Variants in PPFIBP1 observed in about 807,000 individuals in gnomAD.
PPFIBP1 encodes the protein PPFIB scaffold protein 1, also known as liprin-beta-1.
A neutral mutation model predicts 137.8 loss-of-function variants in PPFIBP1; 112 were observed. The ratio of observed to expected loss-of-function variants is 0.81; its 90% CI spans 0.70 to 0.95. PPFIBP1 has a LOEUF of 0.95. Among genes scored for constraint, PPFIBP1 ranks in the 40% least tolerant of loss-of-function variants. The probability of loss-of-function intolerance (pLI) is 0.00; values close to 1 mark genes in which losing one functional copy is unlikely to be tolerated. For synonymous variants in PPFIBP1, 378 were observed against 417.3 expected (o/e 0.91, Z 1.15); for missense variants, 1,083 against 1,196.6 (o/e 0.91, Z 1.40).
At chr12:27,659,100 GATGTAAGA>G (rs1270144314) in intron 10 of PPFIBP1, among the ~76,000 whole-genome samples, 2 of 152,190 alleles carry the variant, frequency 1.3e-5, no homozygotes, top group Non-Finnish European at 2.9e-5. Context: ...CAGCATTGTG[GATGTAAGA>G]AAACATTTTC....
rs140390114 is a variant in PPFIBP1 at position 27,622,645 on chromosome 12, A to G, written c.-35-10717A>G. On this transcript the variant is annotated intron_variant, in intron 2 of 29. Coordinates refer to ENST00000228425, the MANE Select transcript of PPFIBP1 (RefSeq NM_003622.4). ...CCTGTGCAGACACACACACGCACAT[A>G]CTCTGAAACCACTGGAATGTCAGCC... Among the ~76,000 whole-genome samples the G allele has an allele frequency of 9.0e-3, 1,370 of 152,310 alleles. 18 individuals are homozygous for G. Among genetic ancestry groups the G allele is most frequent in the African/African-American group, 0.031 (1,298 of 41,566 alleles).
intron 10 of PPFIBP1, 126 bp downstream of exon 10, chr12:27,658,974 C>A: frequency 1.1e-6 from 1 of 876,134 alleles, no homozygotes; most frequent in South Asian, 1.6e-5. Context: ...AATAAGCCCT[C>A]CATTTCTTCA....
intron 8 of PPFIBP1, chr12:27,655,354 T>C: frequency 1.4e-6 from 1 of 702,194 alleles, no homozygotes. Context: ...CACCTGTTGA[T>C]TACAAATCAC....
intron 2 of PPFIBP1, among the ~76,000 whole-genome samples, chr12:27,579,103 A>G (rs6487615): frequency 1 from 152,249 of 152,284 alleles, 76,107 homozygotes; most frequent in Middle Eastern, 1. Context: ...TCACAGAAAG[A>G]AAGGAAGTTA....
At chr12:27,566,474 A>C (rs1423593979) in intron 1 of PPFIBP1, among the ~76,000 whole-genome samples, 2 of 152,248 alleles carry the variant, frequency 1.3e-5, no homozygotes, top group Non-Finnish European at 2.9e-5. Flanking sequence ...ACTCAAGTGA[A>C]TCAAAAGCCT....
chr12:27,547,488 T>C (rs1946343152), intron 1 of PPFIBP1: 1 of 152,252 alleles, frequency 6.6e-6, no homozygotes, highest in South Asian at 2.1e-4. Context: ...AATAATGCTC[T>C]GCATTAGTTA....
chr12:27,596,075 C>CACACAT (rs2053258298), intron 2 of PPFIBP1, among the ~76,000 whole-genome samples: 4 of 145,070 alleles, frequency 2.8e-5, no homozygotes, highest in Admixed American at 2.7e-4. Flanking sequence ...TATAAATACA[C>CACACAT]ACACACACAC....
At position 27,624,873 on chromosome 12, in the gene PPFIBP1, A is replaced by G. The variant is rs1592942627; in HGVS notation, c.-35-8489A>G. On this transcript the variant is annotated intron_variant, in intron 2 of 29. Transcript: ENST00000228425. ...ATGATAGAGAAATAAAATATCTAAG[A>G]CAATATGTCATGGTTGAAGGTGTTG... 2.6e-5 allele frequency among the ~76,000 whole-genome samples: 4 copies of G among 152,332 alleles called. No homozygotes were observed. The Middle Eastern group carries it at 0.014, about 518-fold the overall frequency.
chr12:27,578,576 A>G (rs1180050214), intron 2 of PPFIBP1, among the ~76,000 whole-genome samples: 1 of 150,348 alleles, frequency 6.7e-6, no homozygotes, highest in Non-Finnish European at 1.5e-5. Context: ...CACCTCACAG[A>G]CCATTTCACT....
chr12:27,552,540 G>T (rs1303583340), intron 1 of PPFIBP1: 1 of 152,190 alleles, frequency 6.6e-6, no homozygotes, highest in Non-Finnish European at 1.5e-5. Flanking sequence ...GAGAAAAATT[G>T]TACTCACTGT....
chr12:27,565,856 T>G (rs1328540888), intron 1 of PPFIBP1, among the ~76,000 whole-genome samples: 2 of 152,180 alleles, frequency 1.3e-5, no homozygotes, highest in Non-Finnish European at 2.9e-5. Context: ...CCGTCTGTTT[T>G]CACCAGCTCA....
At chr12:27,594,134 T>A (rs2052891740) in intron 2 of PPFIBP1, 421 of 401,378 alleles carry the variant, frequency 1.0e-3, no homozygotes, top group Non-Finnish European at 1.6e-3. Context: ...GAGAAGAGAA[T>A]CATGGTACTT....
chr12:27,634,446 T>G (rs1565907645), intron 3 of PPFIBP1, among the ~76,000 whole-genome samples: 1 of 152,234 alleles, frequency 6.6e-6, no homozygotes, highest in Non-Finnish European at 1.5e-5. Flanking sequence ...ATTTAATGCA[T>G]TGAGCTCATT....
At chr12:27,623,419 G>A (rs1049911558) in intron 2 of PPFIBP1, among the ~76,000 whole-genome samples, 7 of 152,112 alleles carry the variant, frequency 4.6e-5, no homozygotes, top group African/African-American at 1.7e-4. Context: ...TAAGGTCATG[G>A]CTCGGTGCAG....
chr12:27,528,475 C>A (rs1944030159), intron 1 of PPFIBP1, among the ~76,000 whole-genome samples: 1 of 152,164 alleles, frequency 6.6e-6, no homozygotes, highest in East Asian at 1.9e-4. Flanking sequence ...AAACAAAACC[C>A]TACAGCTTTT....
intron 2 of PPFIBP1, among the ~76,000 whole-genome samples, chr12:27,603,091 C>A (rs2054166725): frequency 6.6e-6 from 1 of 152,154 alleles, no homozygotes; most frequent in Admixed American, 6.5e-5. Context: ...CATGCAACAC[C>A]AAATACAGGC....
chr12:27,530,931 T>C (rs1427932715), intron 1 of PPFIBP1, among the ~76,000 whole-genome samples: 2 of 152,226 alleles, frequency 1.3e-5, no homozygotes, highest in Non-Finnish European at 2.9e-5. Flanking sequence ...GAGAAGCTGA[T>C]AGCATTCTGC....
intron 3 of PPFIBP1, 21 bp from the exon 4 acceptor site, chr12:27,634,889 C>G: frequency 6.2e-7 from 1 of 1,600,356 alleles, no homozygotes; most frequent in Non-Finnish European, 8.6e-7. Flanking sequence ...ATTGCTCTCT[C>G]TGTGATTTTG....
Position 27,667,198 on chromosome 12 carries a change from T to C in PPFIBP1, c.1024T>C (p.Ser342Pro), listed in dbSNP as rs774759511. 1.4e-5 allele frequency: 23 copies of C among 1,611,056 alleles called. No individual in the cohort carries two copies. In the South Asian group the frequency reaches 2.5e-4, roughly 18 times the overall value. The change falls in exon 13 of 30, where the codon TCC becomes CCC. Residue 342 changes from serine (S) to proline (P), a missense_variant. Transcript: ENST00000228425. ...KDGEYEELLN[S>P]SSISSLLDAQ... ...TGGAGAATATGAAGAGCTGCTCAAT[T>C]CCAGTTCCATCTCCTCTTTGCTGGA...
Sources: allele counts gnomAD v4.1 joint callset (sites outside exome capture counted in the v4.1 genomes callset), GRCh38; gene constraint gnomAD v4.1.1; transcripts MANE v1.5; gene names NCBI Gene and HGNC (gene_info 2026-07-23, HGNC 2026-07-21).